The following EGFL6 variants were observed in gnomAD, a reference collection of about 807,000 sequenced individuals.
EGFL6 encodes epidermal growth factor-like protein 6.
A neutral mutation model predicts 43.1 loss-of-function variants in EGFL6; 42 were observed. That is an observed-to-expected ratio of 0.98 (90% CI 0.76 to 1.26). The LOEUF (loss-of-function observed/expected upper bound fraction) is 1.26, where lower values mean the gene tolerates loss of function less well. Among genes scored for constraint, EGFL6 ranks in the 50% most tolerant of loss-of-function variants. The pLI is 0.00. For missense variants in EGFL6, 429 were observed against 427.8 expected (o/e 1.00, Z -0.02); for synonymous variants, 164 against 163.2 (o/e 1.01, Z -0.04).
intron 1 of EGFL6, among the ~76,000 whole-genome samples, chrX:13,576,996 A>T (rs5979909): frequency 0.036 from 4,022 of 110,907 alleles, 198 homozygotes; most frequent in African/African-American, 0.13. Flanking sequence ...ATGAAAAAAA[A>T]ATATAAAAAG....
intron 7 of EGFL6, among the ~76,000 whole-genome samples, chrX:13,609,200 A>G (rs2146699386): frequency 8.9e-6 from 1 of 111,891 alleles, no homozygotes; most frequent in African/African-American, 3.2e-5. Context: ...CCATCATTTT[A>G]TGGTACCATG....
intron 3 of EGFL6, 70 bp from the exon 4 acceptor site, chrX:13,599,905 G>A: frequency 8.7e-7 from 1 of 1,149,339 alleles, no homozygotes; most frequent in Non-Finnish European, 1.2e-6. Flanking sequence ...CAAGACTGGG[G>A]TCTAATATTC....
rs754772103 is a variant in EGFL6, at chrX:13,581,541, T to C, written c.75-8015T>C. ...CTTTTATTTCATTTATATGGCAATA[T>C]TTAAATGTATTTAAACATCGGCAAA... On this transcript the variant is annotated intron_variant, in intron 1 of 11. Coordinates refer to ENST00000361306, the MANE Select transcript of EGFL6 (RefSeq NM_015507.4). Among the ~76,000 whole-genome samples the C allele has an allele frequency of 4.4e-5, 5 of 112,691 alleles. No individual in the cohort carries two copies. In the South Asian group the frequency reaches 1.8e-3, roughly 41 times the overall value.
At chrX:13,628,194 C>T (rs1236834481) in intron 11 of EGFL6, among the ~76,000 whole-genome samples, 5 of 111,157 alleles carry the variant, frequency 4.5e-5, no homozygotes, top group African/African-American at 1.6e-4. Context: ...TCCTAAGAAC[C>T]AGTCAAGGGC....
In EGFL6 at chrX:13,606,493, G is replaced by A. The variant is rs373132718; in HGVS notation, c.635G>A (p.Ser212Asn). The A allele has an allele frequency of 1.7e-5, 20 of 1,209,813 alleles. No homozygotes were observed. The highest frequency in any genetic ancestry group is 2.2e-5 in the Non-Finnish European group (20 of 894,956). Residue 212 changes from serine (S) to asparagine (N), a missense_variant, in exon 6 of 12, where the codon AGT (serine) becomes AAT (asparagine). Transcript: ENST00000361306. ...CHIGFELQYISGRYDCIDINE... is the reference protein window; with the variant it reads ...CHIGFELQYINGRYDCIDINE... ...ATTGGTTTCGAACTGCAATATATCA[G>A]TGGACGATATGACTGTATAGGTAAG...
intron 5 of EGFL6, among the ~76,000 whole-genome samples, chrX:13,604,002 A>C (rs1348302686): frequency 9.0e-6 from 1 of 111,713 alleles, no homozygotes; most frequent in Non-Finnish European, 1.9e-5. Context: ...TAATTAAGGG[A>C]ACATAAAAAT....
At chrX:13,570,186 C>A (rs979789708) in intron 1 of EGFL6, among the ~76,000 whole-genome samples, 7 of 111,491 alleles carry the variant, frequency 6.3e-5, no homozygotes, top group Middle Eastern at 4.6e-3. Flanking sequence ...TGGCTGCGTC[C>A]GGAGGGTTGC....
chrX:13,600,940 GA>G (rs1348419659), intron 4 of EGFL6, among the ~76,000 whole-genome samples: 1 of 109,627 alleles, frequency 9.1e-6, no homozygotes, highest in Non-Finnish European at 1.9e-5. Flanking sequence ...ACTCCAAAAG[GA>G]AACCAGACCC....
chrX:13,606,339 T>C, intron 5 of EGFL6, 40 bp from the exon 6 acceptor site: 2 of 1,200,323 alleles, frequency 1.7e-6, no homozygotes, highest in Non-Finnish European at 2.3e-6. Context: ...GTGGCTACTT[T>C]TCTTGCTATC....
At chrX:13,576,877 T>C (rs961055647) in intron 1 of EGFL6, among the ~76,000 whole-genome samples, 4 of 112,067 alleles carry the variant, frequency 3.6e-5, no homozygotes, top group Admixed American at 9.5e-5. Context: ...TTTCATGAAA[T>C]ATTTTACCCA....
At chrX:13,632,776 A>C (rs758789686) in intron 11 of EGFL6, among the ~76,000 whole-genome samples, 3 of 111,293 alleles carry the variant, frequency 2.7e-5, no homozygotes, top group Non-Finnish European at 5.6e-5. Flanking sequence ...TTCAGAATCT[A>C]TGTGGGCTTT....
chrX:13,627,158 T>G lies in EGFL6; in HGVS notation c.1433T>G (p.Leu478Arg). Residue 478 changes from leucine (L) to arginine (R), a missense_variant, in exon 11 of 12, where the codon CTT becomes CGT. Coordinates refer to ENST00000361306, the MANE Select transcript of EGFL6 (RefSeq NM_015507.4). ...CTGGCCGGAGACAAAGTCGGGAAAC[T>G]TCGAGTGTTTGTGAAAAACAGTAAC... ...YRLAGDKVGK[L>R]RVFVKNSNNA... 1 of 1,211,941 alleles carries G rather than the reference T, an allele frequency of 8.3e-7. No homozygotes were observed. The highest frequency in any genetic ancestry group is 3.0e-5 in the East Asian group (1 of 33,857).
At chrX:13,591,910 C>A (rs1364259389) in intron 2 of EGFL6, among the ~76,000 whole-genome samples, 1 of 111,785 alleles carries the variant, frequency 8.9e-6, no homozygotes, top group Non-Finnish European at 1.9e-5. Flanking sequence ...AAACAAGTAC[C>A]TGATGAAAAG....
intron 2 of EGFL6, among the ~76,000 whole-genome samples, chrX:13,594,338 C>T (rs2045584469): frequency 8.9e-6 from 1 of 112,070 alleles, no homozygotes; most frequent in African/African-American, 3.2e-5. Context: ...CATGCTTTCT[C>T]ATGCCTCCAT....
rs148131546 is a variant in EGFL6, at chrX:13,583,080, C to T, written c.75-6476C>T. On this transcript the variant is annotated intron_variant, in intron 1 of 11. Coordinates refer to ENST00000361306, the MANE Select transcript of EGFL6 (RefSeq NM_015507.4). ...CACTGTCTGAAGCCTGCAGGAGGGA[C>T]ACAGGCCTTTTTCTTTTGCCCCCTG... Among the ~76,000 whole-genome samples, 267 of 110,331 alleles carry T rather than the reference C, an allele frequency of 2.4e-3. 6 individuals are homozygous for T. In the East Asian group the frequency reaches 0.062, roughly 26 times the overall value.
In EGFL6 at chrX:13,603,389, G is replaced by A. The variant is rs2045644223; in HGVS notation, c.473G>A (p.Cys158Tyr). The stretch of plus-strand genomic sequence containing the variant: ...ACAGAAGAAGGGCCACAGTGCCTGT[G>A]TCCATCCTCAGGACTCCGCCTGGCC... ...EDTEEGPQCLCPSSGLRLAPN... is the reference protein window; with the variant it reads ...EDTEEGPQCLYPSSGLRLAPN... The change falls in exon 5 of 12, where the codon TGT becomes TAT. Residue 158 changes from cysteine to tyrosine, a missense_variant. Cys to Tyr is a radical substitution (Grantham distance 194, BLOSUM62 -2). Coordinates refer to ENST00000361306, the MANE Select transcript of EGFL6 (RefSeq NM_015507.4). The A allele has an allele frequency of 8.3e-7, 1 of 1,209,585 alleles. No individual in the cohort carries two copies. Among genetic ancestry groups the A allele is most frequent in the Non-Finnish European group, 1.1e-6 (1 of 894,857 alleles).
rs373466308 is a variant in EGFL6 at position 13,573,815 on chromosome X, A to G, written c.74+3880A>G. ...CCACTATTCCAAATTTATTCCCTCA[A>G]AAAAAGTGAATACAGAAAAGCTGAC... On this transcript the variant is annotated intron_variant, in intron 1 of 11. Coordinates refer to ENST00000361306, the MANE Select transcript of EGFL6 (RefSeq NM_015507.4). 7.7e-4 allele frequency among the ~76,000 whole-genome samples: 86 copies of G among 112,190 alleles called. 1 individual carries two copies. The South Asian group carries it at 0.027, about 35-fold the overall frequency.
chrX:13,631,630 T>A (rs1015141240), intron 11 of EGFL6, among the ~76,000 whole-genome samples: 2 of 109,820 alleles, frequency 1.8e-5, no homozygotes, highest in South Asian at 3.9e-4. Flanking sequence ...ATTTAAAAAA[T>A]TTAAAAAATT....
Position 13,589,617 on chromosome X carries a change from A to G in EGFL6, c.136A>G (p.Lys46Glu), listed in dbSNP as rs757557089. The change falls in exon 2 of 12, where the codon AAA becomes GAA. Residue 46 changes from lysine to glutamate, a missense_variant. Coordinates refer to ENST00000361306, the MANE Select transcript of EGFL6 (RefSeq NM_015507.4). ...GCCTGGGGTCTGTCACTATGGAACT[A>G]AACTGGCCTGCTGCTACGGCTGGAG... ...RQPGVCHYGTKLACCYGWRRN... is the reference protein window; with the variant it reads ...RQPGVCHYGTELACCYGWRRN... 42 of 1,209,718 alleles carry G rather than the reference A, an allele frequency of 3.5e-5. No homozygotes were observed. Among genetic ancestry groups the G allele is most frequent in the Non-Finnish European group, 4.4e-5 (39 of 895,093 alleles).
Sources: allele counts gnomAD v4.1 joint callset (sites outside exome capture counted in the v4.1 genomes callset), GRCh38; gene constraint gnomAD v4.1.1; transcripts MANE v1.5; gene names NCBI Gene and HGNC (gene_info 2026-07-23, HGNC 2026-07-21).